Variants in SYT3 observed in about 807,000 individuals in gnomAD.
SYT3 encodes the protein synaptotagmin 3.
SYT3 carries 25 observed loss-of-function variants against 50.6 expected under a neutral mutation model. The ratio of observed to expected loss-of-function variants is 0.49; its 90% CI spans 0.36 to 0.69. The LOEUF is 0.69. SYT3 is among the 30% of genes least tolerant of loss of function. SYT3 has a pLI of 0.00. For missense variants in SYT3, 589 were observed against 793.6 expected (o/e 0.74, Z 3.10); for synonymous variants, 323 against 353.9 (o/e 0.91, Z 0.98).
In SYT3 at chr19:50,632,803, C is replaced by T. The variant is rs1444217136; in HGVS notation, c.157G>A (p.Val53Met). 13 of 1,514,356 alleles carry T rather than the reference C, an allele frequency of 8.6e-6. No homozygotes were observed. The highest frequency in any genetic ancestry group is 2.0e-5 in the Admixed American group (1 of 49,346). The allele number at this position is 1,514,356 out of a possible 1,614,324, so 93.8% of individuals were successfully genotyped here. A position where few individuals can be genotyped will look rare whatever the true frequency, so the allele number is the denominator to read the frequency against. Residue 53 changes from valine to methionine, a missense_variant, in exon 4 of 11, where the codon GTG becomes ATG. Physicochemically the swap from Val to Met is conservative, Grantham distance 21 (BLOSUM62 1). This residue lies in a region of SYT3 where 316 missense variants were observed against 354.3 expected (regional missense o/e 0.89). Coordinates refer to ENST00000600079, the MANE Select transcript of SYT3 (RefSeq NM_001160329.2). This position sits in a 1 kb window ranked among gnomAD's most constrained non-coding sequence, Gnocchi z 4.7. The part of the protein sequence containing the change: ...YPRGPDADIS[V>M]SLLSVIVTFC... ...GTCACGATGACCGACAGCAGGCTCA[C>T]GGAGATGTCTGGAGAGAACGAGGAC...
chr19:50,633,176 T>C (rs371945401), intron 3 of SYT3, among the ~76,000 whole-genome samples: 1 of 100,914 alleles, frequency 9.9e-6, no homozygotes, highest in Non-Finnish European at 2.0e-5. Context: ...AGAGATGAGG[T>C]CTTGCTATGT....
rs904387799 is a variant in SYT3 at position 50,629,832 on chromosome 19, G to A, written c.1014C>T (p.Tyr338=). The A allele has an allele frequency of 1.1e-5, 18 of 1,613,940 alleles. No individual in the cohort carries two copies. Among genetic ancestry groups the A allele is most frequent in the African/African-American group, 4.0e-5 (3 of 74,924 alleles). The change falls in exon 5 of 11, where the codon TAC becomes TAT. Residue 338 remains tyrosine (Y), a synonymous_variant. Transcript: ENST00000600079. Reference sequence around the variant, plus strand: ...GGTCAGGCAGCAGGTAGATCTTGACGTAGGGGTCTGAGAAGCCGTTGGAGT... The same window carrying A: ...GGTCAGGCAGCAGGTAGATCTTGACATAGGGGTCTGAGAAGCCGTTGGAGT... ...AKDSNGFSDP[Y]VKIYLLPDRK... is the part of the protein sequence containing the mutation.
Position 50,637,565 on chromosome 19 carries a change from T to G in SYT3, c.-15-139A>C. On this transcript the variant is annotated intron_variant, in intron 2 of 10. Coordinates refer to ENST00000600079, the MANE Select transcript of SYT3 (RefSeq NM_001160329.2). This position sits in a 1 kb window ranked among gnomAD's most constrained non-coding sequence, Gnocchi z 4.9. ...AAAGGGGACAGAGATTAGGGGCAGA[T>G]GGATTAGGGATGGAGATTCGAGGAA... The G allele has an allele frequency of 1.5e-6, 1 of 654,564 alleles. No homozygotes were observed. The highest frequency in any genetic ancestry group is 2.5e-6 in the Non-Finnish European group (1 of 400,388). The allele number at this position is 654,564 out of a possible 1,614,324, so 40.5% of individuals were successfully genotyped here.
chr19:50,635,784 T>A (rs1450434110), intron 3 of SYT3, among the ~76,000 whole-genome samples: 1 of 152,218 alleles, frequency 6.6e-6, no homozygotes. Flanking sequence ...CGTAATAGAC[T>A]GTGCATGCTG....
At chr19:50,630,661 G>T (rs1010839018) in intron 4 of SYT3, among the ~76,000 whole-genome samples, 2 of 152,054 alleles carry the variant, frequency 1.3e-5, no homozygotes, top group African/African-American at 4.8e-5. Flanking sequence ...GACCTCAGAT[G>T]ATCTGCCCGC....
At chr19:50,647,782 A>C in the SYT3 span, among the ~76,000 whole-genome samples, 2 of 152,054 alleles carry the variant, frequency 1.3e-5, no homozygotes, top group Non-Finnish European at 2.9e-5. Context: ...GGCAGAAGGA[A>C]TAGAACTTGG....
intron 6 of SYT3, among the ~76,000 whole-genome samples, chr19:50,627,095 A>G (rs1481448908): frequency 6.6e-6 from 1 of 152,138 alleles, no homozygotes; most frequent in Non-Finnish European, 1.5e-5. Flanking sequence ...CCTGACACAC[A>G]GGCTGGAGCC....
chr19:50,644,076 G>C (rs1815995896), upstream of SYT3, among the ~76,000 whole-genome samples: 1 of 152,228 alleles, frequency 6.6e-6, no homozygotes, highest in Non-Finnish European at 1.5e-5. Context: ...CCCCGTAGGA[G>C]TAGCACTTTG....
the SYT3 span, among the ~76,000 whole-genome samples, chr19:50,655,857 T>G: frequency 6.6e-6 from 1 of 152,128 alleles, no homozygotes; most frequent in African/African-American, 2.4e-5. Context: ...GAAATGTGGT[T>G]AGTAGAGTCT....
At chr19:50,647,046 G>C in the SYT3 span, among the ~76,000 whole-genome samples, 4 of 152,026 alleles carry the variant, frequency 2.6e-5, no homozygotes, top group African/African-American at 9.7e-5. Context: ...TAGCCAGGAT[G>C]GTCTTGATCT....
upstream of SYT3, among the ~76,000 whole-genome samples, chr19:50,642,942 G>A (rs1984703644): frequency 6.6e-6 from 1 of 152,198 alleles, no homozygotes; most frequent in African/African-American, 2.4e-5. Context: ...GTTTAGTGTT[G>A]TCATAAATAA....
At chr19:50,626,198 G>T in intron 6 of SYT3, 181 bp from the exon 7 acceptor site, 1 of 869,762 alleles carries the variant, frequency 1.1e-6, no homozygotes, top group Non-Finnish European at 1.7e-6. Flanking sequence ...AGCTGCCCAT[G>T]ACCATCAAAG....
Position 50,639,585 on chromosome 19 carries a change from T to A in SYT3, c.-154+205A>T, listed in dbSNP as rs947644658. 1.3e-5 allele frequency among the ~76,000 whole-genome samples: 2 copies of A among 151,420 alleles called. No homozygotes were observed. Among genetic ancestry groups the A allele is most frequent in the Non-Finnish European group, 2.9e-5 (2 of 67,800 alleles). On this transcript the variant is annotated intron_variant, in intron 1 of 10. Coordinates refer to ENST00000600079, the MANE Select transcript of SYT3 (RefSeq NM_001160329.2). This position sits in a 1 kb window ranked among gnomAD's most constrained non-coding sequence, Gnocchi z 4.6. ...GCGCTGGGGATCGGTGGGCGAGGGG[T>A]GGGATACACCCAGGTGTTTCGGGAC...
Position 50,625,127 on chromosome 19 carries a change from T to G in SYT3, c.1707+35A>C. 6.5e-7 allele frequency: 1 copy of G among 1,530,104 alleles called. No homozygotes were observed. The highest frequency in any genetic ancestry group is 8.7e-7 in the Non-Finnish European group (1 of 1,143,766). 94.8% of individuals were successfully genotyped at this position (1,530,104 alleles called of 1,614,324 possible). ...GATGAAGGGGCCGAGGGTGCACGGG[T>G]GCTTGTCAGGGGTCGGTGTGGGACC... On this transcript the variant is annotated intron_variant, in intron 9 of 10. Transcript: ENST00000600079. The surrounding 1 kb of genome is among the most constrained non-coding windows in gnomAD (Gnocchi z 7.5).
chr19:50,630,404 CCCTTCTTTCCTTCCTT>C (rs1221657094), intron 4 of SYT3, among the ~76,000 whole-genome samples: 19 of 142,140 alleles, frequency 1.3e-4, no homozygotes, highest in Non-Finnish European at 2.6e-4. Flanking sequence ...CTCCCTCCCT[CCCTTCTTTCCTTCCTT>C]CCTTCTTTCC....
intron 3 of SYT3, among the ~76,000 whole-genome samples, chr19:50,634,572 CTTTTTTTTTTTTT>C (rs3028785): frequency 0.015 from 1,082 of 74,254 alleles, 20 homozygotes; most frequent in African/African-American, 0.053. Context: ...TCTTGGGGTG[CTTTTTTTTTTTTT>C]TTTTTTTTTT....
At position 50,630,069 on chromosome 19, in the gene SYT3, T is replaced by C. The variant is rs1157107064; in HGVS notation, c.777A>G (p.Gly259=). ...RPPALPLPLP[G]GEEKAKLIGQ... ...CAATGAGTTTGGCTTTTTCCTCGCC[T>C]CCAGGCAGGGGTAAGGGCAGGGCAG... is the stretch of plus-strand genomic sequence containing the variant. Residue 259 remains glycine, a synonymous_variant, in exon 5 of 11, where the codon GGA becomes GGG. Transcript: ENST00000600079. 1 of 1,613,782 alleles carries C rather than the reference T, an allele frequency of 6.2e-7. No homozygotes were observed. Among genetic ancestry groups the C allele is most frequent in the East Asian group, 2.2e-5 (1 of 44,858 alleles).
intron 3 of SYT3, among the ~76,000 whole-genome samples, chr19:50,633,557 G>A (rs946595521): frequency 3.9e-5 from 6 of 152,166 alleles, no homozygotes; most frequent in African/African-American, 1.2e-4. Context: ...TTTAAATCAC[G>A]CTTGCTGTGT....
At position 50,632,492 on chromosome 19, in the gene SYT3, G is replaced by C. The variant is rs375488676; in HGVS notation, c.468C>G (p.Thr156=). The change falls in exon 4 of 11, where the codon ACC becomes ACG. Residue 156 remains threonine (T), a synonymous_variant. Transcript: ENST00000600079. The surrounding 1 kb of genome is among the most constrained non-coding windows in gnomAD (Gnocchi z 4.7). The stretch of plus-strand genomic sequence containing the variant: ...CCATGTCCAAGTAGGAGGGCTCAGG[G>C]GTGTCAGAACCCCCCAGGCTGCCTG... ...LEPGSLGGSD[T]PEPSYLDMDS... 4 of 1,612,614 alleles carry C rather than the reference G, an allele frequency of 2.5e-6. No individual in the cohort carries two copies. In the Admixed American group the frequency reaches 6.7e-5, roughly 27 times the overall value.
Sources: gnomAD v4.1 joint callset for allele counts (sites outside exome capture counted in the v4.1 genomes callset) on GRCh38, gnomAD v4.1.1 for gene constraint, gnomAD v4.1.1 regional missense constraint, Gnocchi (gnomAD v3.1) non-coding constraint, MANE v1.5 for transcripts, NCBI Gene and HGNC (gene_info 2026-07-23, HGNC 2026-07-21) for gene names.